Variants in KHDRBS2 observed in about 807,000 individuals in gnomAD.
KHDRBS2 encodes KH domain-containing, RNA-binding, signal transduction-associated protein 2.
A neutral mutation model predicts 44.3 loss-of-function variants in KHDRBS2; 26 were observed. The observed-to-expected ratio is 0.59, with a 90% CI of 0.43 to 0.81. KHDRBS2 has a LOEUF of 0.81. Among genes scored for constraint, KHDRBS2 ranks in the 40% least tolerant of loss-of-function variants. The probability of loss-of-function intolerance (pLI) is 0.00; values close to 1 mark genes in which losing one functional copy is unlikely to be tolerated. For missense variants in KHDRBS2, 476 were observed against 433.1 expected (o/e 1.10, Z -0.88); for synonymous variants, 194 against 151.1 (o/e 1.28, Z -2.08).
Position 62,058,194 on chromosome 6 carries a change from T to C in KHDRBS2, c.220-10200A>G, listed in dbSNP as rs1330474116. ...TTTCACTTTTTATGGGCACTGAAAC[T>C]GTATCTGCTATGTGATGCAAGGCCA... On this transcript the variant is annotated intron_variant, in intron 2 of 8. Coordinates refer to ENST00000281156, the MANE Select transcript of KHDRBS2 (RefSeq NM_152688.4). Among the ~76,000 whole-genome samples the C allele has an allele frequency of 2.6e-5, 4 of 151,880 alleles. No homozygotes were observed. The East Asian group carries it at 7.8e-4, about 30-fold the overall frequency.
intron 4 of KHDRBS2, among the ~76,000 whole-genome samples, chr6:61,976,448 G>C (rs2127402132): frequency 6.6e-6 from 1 of 152,094 alleles, no homozygotes; most frequent in African/African-American, 2.4e-5. Context: ...TTAGCCTACA[G>C]AGTAGGATAT....
chr6:61,997,331 C>T (rs953357120), intron 3 of KHDRBS2, among the ~76,000 whole-genome samples: 2 of 152,124 alleles, frequency 1.3e-5, no homozygotes, highest in Admixed American at 1.3e-4. Flanking sequence ...GATAGGATTG[C>T]CCCACACTTG....
At chr6:62,075,705 C>G (rs1375031015) in intron 2 of KHDRBS2, among the ~76,000 whole-genome samples, 1 of 151,868 alleles carries the variant, frequency 6.6e-6, no homozygotes, top group African/African-American at 2.4e-5. Context: ...ACTCTATCAT[C>G]CCAGGCTTTA....
chr6:61,943,053 A>AAAGG (rs1346985865), intron 4 of KHDRBS2, among the ~76,000 whole-genome samples: 2 of 149,770 alleles, frequency 1.3e-5, no homozygotes, highest in South Asian at 2.1e-4. Flanking sequence ...GAAGGGAGGG[A>AAAGG]AAGGAAGGAA....
intron 2 of KHDRBS2, among the ~76,000 whole-genome samples, chr6:62,065,519 A>G (rs916977568): frequency 6.6e-6 from 1 of 151,160 alleles, no homozygotes; most frequent in African/African-American, 2.4e-5. Context: ...CATTCTCAGT[A>G]AACTATCGCA....
In KHDRBS2 at chr6:62,020,925, C is replaced by T. The variant is rs77893328; in HGVS notation, c.336+26953G>A. On this transcript the variant is annotated intron_variant, in intron 3 of 8. Transcript: ENST00000281156. ...AACCGTTGTATCATAAAGACAAATGCATGCATATGTGCATTGCAGCACTAT... is the reference window on the plus strand; with the variant it reads ...AACCGTTGTATCATAAAGACAAATGTATGCATATGTGCATTGCAGCACTAT... Among the ~76,000 whole-genome samples the T allele has an allele frequency of 3.0e-4, 45 of 152,126 alleles. No homozygotes were observed. The East Asian group carries it at 7.7e-3, about 26-fold the overall frequency.
At chr6:61,911,378 G>A (rs751512190) in intron 4 of KHDRBS2, among the ~76,000 whole-genome samples, 1 of 151,818 alleles carries the variant, frequency 6.6e-6, no homozygotes, top group Non-Finnish European at 1.5e-5. Flanking sequence ...CTGATCCAGG[G>A]GAGTTAAAGT....
Position 62,036,032 on chromosome 6 carries a change from C to A in KHDRBS2, c.336+11846G>T, listed in dbSNP as rs534438689. On this transcript the variant is annotated intron_variant, in intron 3 of 8. Transcript: ENST00000281156. ...TAAAAAGAATATTCCAGGCTCTAGA[C>A]ATGAAGATTTCCCAGAAGAGCCCAT... Among the ~76,000 whole-genome samples, 170 of 152,074 alleles carry A rather than the reference C, an allele frequency of 1.1e-3. 1 individual carries two copies. The highest frequency in any genetic ancestry group is 1.4e-3 in the Non-Finnish European group (96 of 67,956).
intron 2 of KHDRBS2, among the ~76,000 whole-genome samples, chr6:62,078,185 C>T (rs1265790052): frequency 6.6e-6 from 1 of 152,030 alleles, no homozygotes; most frequent in East Asian, 1.9e-4. Context: ...CAATATAAAA[C>T]TGTCCAAATG....
intron 1 of KHDRBS2, among the ~76,000 whole-genome samples, chr6:62,243,423 A>G (rs1835022449): frequency 6.6e-6 from 1 of 152,052 alleles, no homozygotes; most frequent in Admixed American, 6.6e-5. Context: ...AGTAACCTCA[A>G]CATAGAAATC....
In KHDRBS2 at chr6:61,680,938, G is replaced by A. The variant is rs117408853; in HGVS notation, c.*25C>T. ...CCACAGGCTATGAATTGTCTTTGAG[G>A]TGAGGTCACAGGTGGGAAGGACCTT... On this transcript the variant is annotated 3_prime_UTR_variant, in exon 9 of 9. Coordinates refer to ENST00000281156, the MANE Select transcript of KHDRBS2 (RefSeq NM_152688.4). 1,181 of 1,437,714 alleles carry A rather than the reference G, an allele frequency of 8.2e-4. 15 individuals are homozygous for A. In the East Asian group the frequency reaches 0.024, roughly 29 times the overall value. The allele number at this position is 1,437,714 out of a possible 1,614,324, so 89.1% of individuals were successfully genotyped here. A position where few individuals can be genotyped will look rare whatever the true frequency, so the allele number is the denominator to read the frequency against.
intron 1 of KHDRBS2, among the ~76,000 whole-genome samples, chr6:62,223,533 T>G (rs1243836975): frequency 6.6e-6 from 1 of 152,208 alleles, no homozygotes; most frequent in Non-Finnish European, 1.5e-5. Flanking sequence ...GCAGCCAGCT[T>G]GAATTTTTCC....
At chr6:62,202,000 A>C (rs1362559371) in intron 1 of KHDRBS2, among the ~76,000 whole-genome samples, 2 of 152,092 alleles carry the variant, frequency 1.3e-5, no homozygotes, top group African/African-American at 4.8e-5. Context: ...ACTCTAAGTA[A>C]TTACTTAAAT....
At position 61,874,853 on chromosome 6, in the gene KHDRBS2, C is replaced by A. The variant is rs147341243; in HGVS notation, c.810+19782G>T. On this transcript the variant is annotated intron_variant, in intron 6 of 8. Coordinates refer to ENST00000281156, the MANE Select transcript of KHDRBS2 (RefSeq NM_152688.4). ...CCTGGTATTTCTTAAAACTGTCCAGCTCCTGGCAGGGATTCCACATCTCTT... is the reference window on the plus strand; with the variant it reads ...CCTGGTATTTCTTAAAACTGTCCAGATCCTGGCAGGGATTCCACATCTCTT... Among the ~76,000 whole-genome samples the A allele has an allele frequency of 4.2e-3, 638 of 152,258 alleles. 8 individuals are homozygous for A. Among genetic ancestry groups the A allele is most frequent in the African/African-American group, 0.015 (613 of 41,562 alleles).
At chr6:62,025,465 T>C (rs1263856880) in intron 3 of KHDRBS2, among the ~76,000 whole-genome samples, 1 of 151,858 alleles carries the variant, frequency 6.6e-6, no homozygotes, top group African/African-American at 2.4e-5. Flanking sequence ...ATAAAAATAT[T>C]CTTCTACATA....
intron 6 of KHDRBS2, among the ~76,000 whole-genome samples, chr6:61,799,684 T>G (rs1785951305): frequency 6.6e-6 from 1 of 152,010 alleles, no homozygotes; most frequent in South Asian, 2.1e-4. Flanking sequence ...TATATAATGT[T>G]ATATTCATTC....
chr6:61,551,198 T>G, the KHDRBS2 span, among the ~76,000 whole-genome samples: 1 of 152,168 alleles, frequency 6.6e-6, no homozygotes, highest in African/African-American at 2.4e-5. Flanking sequence ...CCTCTGACCT[T>G]TTTTCAATGG....
At chr6:61,696,318 C>T (rs1368822846) in intron 8 of KHDRBS2, among the ~76,000 whole-genome samples, 15 of 152,024 alleles carry the variant, frequency 9.9e-5, no homozygotes, top group African/African-American at 2.4e-4. Flanking sequence ...TGCGGTGGCA[C>T]GATCTCGGCT....
chr6:61,954,361 A>G (rs1314927423), intron 4 of KHDRBS2, among the ~76,000 whole-genome samples: 13 of 83,110 alleles, frequency 1.6e-4, no homozygotes, highest in African/African-American at 1.0e-4. Flanking sequence ...ATGTATGCAT[A>G]CATATATACG....
Sources: allele counts gnomAD v4.1 joint callset (sites outside exome capture counted in the v4.1 genomes callset), GRCh38; gene constraint gnomAD v4.1.1; transcripts MANE v1.5; gene names NCBI Gene and HGNC (gene_info 2026-07-23, HGNC 2026-07-21).